The following PCBP3 variants were observed in gnomAD, a reference collection of about 807,000 sequenced individuals.
The protein encoded by PCBP3 is poly(rC)-binding protein 3.
Under a neutral mutation model 52.7 loss-of-function variants are expected in PCBP3, and 25 were observed. That is an observed-to-expected ratio of 0.47 (90% CI 0.35 to 0.66). The LOEUF is 0.66. Among genes scored for constraint, PCBP3 ranks in the 30% least tolerant of loss-of-function variants. PCBP3 has a pLI of 0.01. For missense variants in PCBP3, 391 were observed against 490.3 expected, an observed-to-expected ratio of 0.80 and a Z score of 1.91; for synonymous variants, 162 against 183.0, an observed-to-expected ratio of 0.89 and a Z score of 0.93.
intron 1 of PCBP3, among the ~76,000 whole-genome samples, chr21:45,645,616 T>C (rs1446205847): frequency 2.0e-5 from 3 of 152,234 alleles, no homozygotes; most frequent in Admixed American, 6.5e-5. Context: ...AAGAAGCTAT[T>C]CTTTACCCTA....
chr21:45,818,651 T>C (rs1042475981), intron 4 of PCBP3, among the ~76,000 whole-genome samples: 1 of 152,250 alleles, frequency 6.6e-6, no homozygotes, highest in Middle Eastern at 3.2e-3. Context: ...CTATTAGTCA[T>C]GCTCCTTGGT....
At chr21:45,941,564 C>G (rs531620514) in intron 17 of PCBP3, 106 bp from the exon 18 acceptor site, 1 of 995,870 alleles carries the variant, frequency 1.0e-6, no homozygotes. Context: ...ACCGGGATGG[C>G]CTGTCCCAGC....
At chr21:45,669,803 G>GTATATA (rs1394969213) in intron 2 of PCBP3, among the ~76,000 whole-genome samples, 139 of 54,294 alleles carry the variant, frequency 2.6e-3, no homozygotes, top group East Asian at 5.0e-3. Flanking sequence ...GTGTGTGTGT[G>GTATATA]TGTATATATA....
intron 9 of PCBP3, among the ~76,000 whole-genome samples, chr21:45,908,959 G>A (rs985992229): frequency 3.9e-5 from 6 of 152,168 alleles, no homozygotes; most frequent in Non-Finnish European, 7.4e-5. Flanking sequence ...CGACATCCCT[G>A]CCTTACCTGG....
chr21:45,815,542 GTGAGTGA>G (rs1569261288), intron 4 of PCBP3, among the ~76,000 whole-genome samples: 1 of 41,488 alleles, frequency 2.4e-5, no homozygotes, highest in Non-Finnish European at 4.8e-5. Flanking sequence ...GTGGTGAGTA[GTGAGTGA>G]TGAGTGGTGA....
At chr21:45,703,152 A>T (rs1018150435) in intron 2 of PCBP3, among the ~76,000 whole-genome samples, 4 of 152,182 alleles carry the variant, frequency 2.6e-5, no homozygotes, top group Non-Finnish European at 2.9e-5. Context: ...GGAACCCCTT[A>T]AAGGCATCCG....
chr21:45,712,705 T>G (rs2083922111), intron 2 of PCBP3, among the ~76,000 whole-genome samples: 1 of 151,874 alleles, frequency 6.6e-6, no homozygotes, highest in African/African-American at 2.4e-5. Flanking sequence ...TCTTTCATTT[T>G]TTTTTTTTTC....
intron 1 of PCBP3, among the ~76,000 whole-genome samples, chr21:45,666,808 A>C (rs1277582660): frequency 6.6e-6 from 1 of 151,316 alleles, no homozygotes; most frequent in African/African-American, 2.4e-5. Flanking sequence ...GCTCACTGCA[A>C]CCTATGCCTT....
chr21:45,881,311 C>A (rs1474783645), intron 5 of PCBP3, among the ~76,000 whole-genome samples: 1 of 152,178 alleles, frequency 6.6e-6, no homozygotes, highest in African/African-American at 2.4e-5. Context: ...TCTATGTGTT[C>A]ATGTTTTTTG....
chr21:45,723,394 C>T (rs1306371007), intron 2 of PCBP3, among the ~76,000 whole-genome samples: 1 of 152,234 alleles, frequency 6.6e-6, no homozygotes, highest in Non-Finnish European at 1.5e-5. Flanking sequence ...GCCAGACAGA[C>T]TTCCTATGTC....
chr21:45,785,147 A>G (rs902346164), intron 4 of PCBP3, among the ~76,000 whole-genome samples: 5 of 145,896 alleles, frequency 3.4e-5, no homozygotes, highest in East Asian at 2.1e-4. Context: ...CTGCCTGGCA[A>G]CCGCCCTGTC....
chr21:45,645,681 G>A (rs1054967827), intron 1 of PCBP3, among the ~76,000 whole-genome samples: 2 of 152,200 alleles, frequency 1.3e-5, no homozygotes, highest in Non-Finnish European at 2.9e-5. Flanking sequence ...AAAGCCTCAC[G>A]AGCTTCTTGA....
intron 4 of PCBP3, among the ~76,000 whole-genome samples, chr21:45,799,518 C>T (rs868630180): frequency 6.6e-5 from 10 of 152,078 alleles, no homozygotes; most frequent in Non-Finnish European, 7.4e-5. Flanking sequence ...TGGTATAGTC[C>T]ATGGTTCCAG....
At chr21:45,881,325 G>T (rs1214239761) in intron 5 of PCBP3, among the ~76,000 whole-genome samples, 1 of 152,148 alleles carries the variant, frequency 6.6e-6, no homozygotes, top group Non-Finnish European at 1.5e-5. Flanking sequence ...TTTTTTGTGT[G>T]TGAAATTATT....
chr21:45,893,602 G>A (rs59110691), intron 5 of PCBP3, among the ~76,000 whole-genome samples: 30 of 48,706 alleles, frequency 6.2e-4, no homozygotes, highest in African/African-American at 2.7e-3. Context: ...GGCCCCGGGT[G>A]CAGACGGGGG....
chr21:45,854,178 C>T (rs971947950), intron 5 of PCBP3, among the ~76,000 whole-genome samples: 1 of 152,174 alleles, frequency 6.6e-6, no homozygotes, highest in Admixed American at 6.5e-5. Flanking sequence ...AAGGGCCAGC[C>T]TGGACTTGCA....
At chr21:45,706,030 A>G (rs935581481) in intron 2 of PCBP3, among the ~76,000 whole-genome samples, 2 of 152,226 alleles carry the variant, frequency 1.3e-5, no homozygotes, top group Admixed American at 6.5e-5. Context: ...TCACCATTCA[A>G]GACACTCAGT....
At chr21:45,794,980 C>G (rs1360417276) in intron 4 of PCBP3, among the ~76,000 whole-genome samples, 1 of 150,990 alleles carries the variant, frequency 6.6e-6, no homozygotes, top group East Asian at 1.9e-4. Context: ...GGGAAGGGCA[C>G]TGAGCAATGC....
At chr21:45,764,321 C>T (rs1450445940) in intron 4 of PCBP3, among the ~76,000 whole-genome samples, 1 of 152,074 alleles carries the variant, frequency 6.6e-6, no homozygotes, top group Non-Finnish European at 1.5e-5. Context: ...GGGGTTTCTC[C>T]ATGTTGGCCA....
Sources: gnomAD v4.1 joint callset for allele counts (sites outside exome capture counted in the v4.1 genomes callset) on GRCh38, gnomAD v4.1.1 for gene constraint, MANE v1.5 for transcripts, NCBI Gene and HGNC (gene_info 2026-07-23, HGNC 2026-07-21) for gene names.